Variants in ATAD1 observed in about 807,000 individuals in gnomAD.
ATAD1 encodes the protein ATPase family AAA domain containing 1.
ATAD1 carries 18 observed loss-of-function variants against 42.7 expected under a neutral mutation model. The observed-to-expected ratio is 0.42, with a 90% CI of 0.29 to 0.63. ATAD1 has a LOEUF of 0.63. Ranked by LOEUF, ATAD1 falls within the 20% of genes least tolerant of loss-of-function variation. The pLI is 0.19. For missense variants in ATAD1, 294 were observed against 440.4 expected (o/e 0.67, Z 2.98); for synonymous variants, 132 against 143.1 (o/e 0.92, Z 0.55).
chr10:87,814,605 A>T lies in ATAD1; in HGVS notation c.-6T>A, dbSNP rs1420946810. 5 of 1,592,692 alleles carry T rather than the reference A, an allele frequency of 3.1e-6. No individual in the cohort carries two copies. The highest frequency in any genetic ancestry group is 4.3e-6 in the Non-Finnish European group (5 of 1,171,258). The stretch of plus-strand genomic sequence containing the variant: ...AAGGCTTCAGCATGTACCATCTTGA[A>T]TGTTAACCTTAAAAAAACAAACAGA... On this transcript the variant is annotated 5_prime_UTR_variant, in exon 2 of 10. Transcript: ENST00000680024.
intron 4 of ATAD1, among the ~76,000 whole-genome samples, chr10:87,785,863 A>G (rs564332983): frequency 2.0e-5 from 3 of 152,122 alleles, no homozygotes; most frequent in Non-Finnish European, 4.4e-5. Context: ...TAATTCTTGA[A>G]GATTCAAGTT....
At chr10:87,810,501 T>C (rs974561414) in intron 2 of ATAD1, among the ~76,000 whole-genome samples, 5 of 152,164 alleles carry the variant, frequency 3.3e-5, no homozygotes, top group Non-Finnish European at 7.4e-5. Flanking sequence ...TATATCATAT[T>C]TTTGCTTTAT....
In ATAD1 at chr10:87,757,553, GTATTATTCT is replaced by G. The variant is rs368054624; in HGVS notation, c.832-640_832-632del. ...ATTCACTGGGGTAAGCACTTTGCAT[GTATTATTCT>G]CATTTAATCTTCTCAGAAACTATCA... On this transcript the variant is annotated intron_variant, in intron 8 of 9. Coordinates refer to ENST00000680024, the MANE Select transcript of ATAD1 (RefSeq NM_001321967.2). 4.8e-3 allele frequency among the ~76,000 whole-genome samples: 731 copies of G among 152,244 alleles called. 7 individuals are homozygous for G. Among genetic ancestry groups the G allele is most frequent in the African/African-American group, 0.016 (679 of 41,548 alleles).
At chr10:87,814,053 G>A (rs942181726) in intron 2 of ATAD1, among the ~76,000 whole-genome samples, 11 of 152,036 alleles carry the variant, frequency 7.2e-5, no homozygotes, top group African/African-American at 2.7e-4. Context: ...AAGACTGAGA[G>A]CGTTTCAGTA....
intron 7 of ATAD1, 122 bp from the exon 8 acceptor site, chr10:87,767,845 A>C (rs534434184): frequency 1.1e-6 from 1 of 940,328 alleles, no homozygotes; most frequent in African/African-American, 1.7e-5. Context: ...GAGATGACAG[A>C]AACTTTGAAG....
In ATAD1 at chr10:87,764,323, A is replaced by C. The variant is rs148613934; in HGVS notation, c.831+3350T>G. Among the ~76,000 whole-genome samples, 371 of 152,224 alleles carry C rather than the reference A, an allele frequency of 2.4e-3. 3 individuals carry two copies. In the Middle Eastern group the frequency reaches 0.034, roughly 14 times the overall value. ...AAAAAATACAAAAAATTGGCCAGGC[A>C]TGGTGGCACGTGCCTGTAATCCCAG... On this transcript the variant is annotated intron_variant, in intron 8 of 9. Transcript: ENST00000680024.
chr10:87,829,234 ATTATTTATTTATTTAT>A (rs71022510), intron 1 of ATAD1, among the ~76,000 whole-genome samples: 6 of 142,928 alleles, frequency 4.2e-5, no homozygotes, highest in African/African-American at 5.2e-5. Context: ...TATTTTATTT[ATTATTTATTTATTTAT>A]TTATTTATTT....
chr10:87,836,188 C>T (rs1857926302), intron 1 of ATAD1, among the ~76,000 whole-genome samples: 1 of 152,088 alleles, frequency 6.6e-6, no homozygotes, highest in Non-Finnish European at 1.5e-5. Context: ...AGCAGTGGCA[C>T]AATCATAGCC....
intron 1 of ATAD1, among the ~76,000 whole-genome samples, chr10:87,831,225 C>T (rs1857822808): frequency 6.6e-6 from 1 of 152,204 alleles, no homozygotes; most frequent in Non-Finnish European, 1.5e-5. Flanking sequence ...ATAATTATCT[C>T]ACCAAGTGGT....
At position 87,752,148 on chromosome 10, in the gene ATAD1, G is replaced by A. The variant is rs898709208; in HGVS notation, c.*2539C>T. 1 of 151,738 alleles carries A rather than the reference G, an allele frequency of 6.6e-6. No homozygotes were observed. Among genetic ancestry groups the A allele is most frequent in the Non-Finnish European group, 1.5e-5 (1 of 67,980 alleles). 9.4% of individuals were successfully genotyped at this position (151,738 alleles called of 1,614,324 possible). A position where few individuals can be genotyped will look rare whatever the true frequency, so the allele number is the denominator to read the frequency against. ...GATTAAAAGGAGAAACATAGTAAAG[G>A]AGATACTAAATTGATTCAAATACTT... On this transcript the variant is annotated 3_prime_UTR_variant, in exon 10 of 10. Coordinates refer to ENST00000680024, the MANE Select transcript of ATAD1 (RefSeq NM_001321967.2).
At chr10:87,791,973 A>G (rs1856143741) in intron 3 of ATAD1, among the ~76,000 whole-genome samples, 1 of 152,170 alleles carries the variant, frequency 6.6e-6, no homozygotes, top group Non-Finnish European at 1.5e-5. Context: ...TTAGGTTTAA[A>G]CTCTATAAAA....
chr10:87,812,433 T>C (rs550275093), intron 2 of ATAD1, among the ~76,000 whole-genome samples: 1 of 152,214 alleles, frequency 6.6e-6, no homozygotes, highest in South Asian at 2.1e-4. Context: ...GGCTAATGTT[T>C]TGTATTTTTA....
Position 87,754,475 on chromosome 10 carries a change from G to C in ATAD1, c.*212C>G, listed in dbSNP as rs1365096873. Reference sequence around the variant, plus strand: ...GGTCAAACACAAGCACCCACGTTCAGGCTGGATTCAACTGTTCCTCCTCAT... The same window carrying C: ...GGTCAAACACAAGCACCCACGTTCACGCTGGATTCAACTGTTCCTCCTCAT... On this transcript the variant is annotated 3_prime_UTR_variant, in exon 10 of 10. Transcript: ENST00000680024. The C allele has an allele frequency of 4.9e-6, 2 of 411,946 alleles. No individual in the cohort carries two copies. The highest frequency in any genetic ancestry group is 8.3e-6 in the Non-Finnish European group (2 of 242,354). The allele number at this position is 411,946 out of a possible 1,614,324, so 25.5% of individuals were successfully genotyped here.
chr10:87,774,081 T>C (rs951819526), intron 6 of ATAD1, among the ~76,000 whole-genome samples: 1 of 152,214 alleles, frequency 6.6e-6, no homozygotes, highest in Non-Finnish European at 1.5e-5. Flanking sequence ...AAACATAATG[T>C]AGAAGGAGGA....
Position 87,776,435 on chromosome 10 carries a change from T to A in ATAD1, c.584-8A>T, listed in dbSNP as rs759834439. 6.3e-7 allele frequency: 1 copy of A among 1,592,402 alleles called. No homozygotes were observed. The highest frequency in any genetic ancestry group is 2.2e-5 in the East Asian group (1 of 44,706). On this transcript the variant is annotated splice_polypyrimidine_tract_variant and splice_region_variant and intron_variant, in intron 5 of 9. Transcript: ENST00000680024. ...GGTTTCGTAGAAAGGAGTCTAGAAG[T>A]AAAAGGTCCTTAACCTTAGAAATTA...
chr10:87,766,418 A>G (rs1258796584), intron 8 of ATAD1, among the ~76,000 whole-genome samples: 1 of 152,218 alleles, frequency 6.6e-6, no homozygotes, highest in Non-Finnish European at 1.5e-5. Flanking sequence ...ATGTAGTGTA[A>G]AAACAAAGAG....
intron 9 of ATAD1, among the ~76,000 whole-genome samples, chr10:87,755,098 T>G (rs1854162701): frequency 6.6e-6 from 1 of 152,202 alleles, no homozygotes; most frequent in Non-Finnish European, 1.5e-5. Context: ...CTACAAAGAC[T>G]TCACATCTAT....
chr10:87,807,479 A>C lies in ATAD1; in HGVS notation c.162+6959T>G, dbSNP rs1856979958. On this transcript the variant is annotated intron_variant, in intron 2 of 9. Coordinates refer to ENST00000680024, the MANE Select transcript of ATAD1 (RefSeq NM_001321967.2). The stretch of plus-strand genomic sequence containing the variant: ...GTTATTGACAGACTTAAAACTTTAC[A>C]ACCTGGCAGGGGTGAAAAGGTATAT... Among the ~76,000 whole-genome samples the C allele has an allele frequency of 2.6e-5, 4 of 152,208 alleles. No individual in the cohort carries two copies. The South Asian group carries it at 8.3e-4, about 32-fold the overall frequency.
At chr10:87,768,222 G>A (rs1035783804) in intron 7 of ATAD1, among the ~76,000 whole-genome samples, 3 of 152,096 alleles carry the variant, frequency 2.0e-5, no homozygotes, top group African/African-American at 7.2e-5. Flanking sequence ...ATGTCTGTAT[G>A]CTTTTCCCCC....
Sources: allele counts gnomAD v4.1 joint callset (sites outside exome capture counted in the v4.1 genomes callset), GRCh38; gene constraint gnomAD v4.1.1; transcripts MANE v1.5; gene names NCBI Gene and HGNC (gene_info 2026-07-23, HGNC 2026-07-21).